The following NADK2 variants were observed in gnomAD, a reference collection of about 807,000 sequenced individuals.
The protein encoded by NADK2 is NAD kinase 2, mitochondrial, also known as NAD kinase domain-containing protein 1, mitochondrial.
Under a neutral mutation model 62.1 loss-of-function variants are expected in NADK2, and 35 were observed. The ratio of observed to expected loss-of-function variants is 0.56; its 90% CI spans 0.43 to 0.75. The LOEUF is 0.75. Among genes scored for constraint, NADK2 ranks in the 30% least tolerant of loss-of-function variants. The pLI, the probability that NADK2 is intolerant of heterozygous loss-of-function variation, is 0.00. For missense variants in NADK2, 439 were observed against 561.3 expected, an observed-to-expected ratio of 0.78 and a Z score of 2.20; for synonymous variants, 205 against 207.9, an observed-to-expected ratio of 0.99 and a Z score of 0.12.
At chr5:36,200,808 G>A (rs903023063) in intron 9 of NADK2, among the ~76,000 whole-genome samples, 3 of 151,730 alleles carry the variant, frequency 2.0e-5, no homozygotes, top group African/African-American at 7.3e-5. Flanking sequence ...ACTTAATAAC[G>A]GCCCCAAGGC....
At position 36,195,213 on chromosome 5, in the gene NADK2, A is replaced by G. The variant is rs377303895; in HGVS notation, c.1260T>C (p.Asn420=). 1.4e-5 allele frequency: 23 copies of G among 1,613,576 alleles called. No homozygotes were observed. The highest frequency in any genetic ancestry group is 1.9e-5 in the Non-Finnish European group (22 of 1,179,806). Reference sequence around the variant, plus strand: ...TCATCATCGAAGCAATTGCACCATCATTAAACTCAAAAGAAGTTCCTCCAT... The same window carrying G: ...TCATCATCGAAGCAATTGCACCATCGTTAAACTCAAAAGAAGTTCCTCCAT... ...VVDGGTSFEF[N]DGAIASMMIN... Residue 420 remains asparagine, a synonymous_variant, in exon 12 of 12, where the codon AAT becomes AAC. Transcript: ENST00000381937.
rs1473967546 is a variant in NADK2 at position 36,241,856 on chromosome 5, C to A, written c.-58G>T. On this transcript the variant is annotated 5_prime_UTR_variant, in exon 1 of 12. Transcript: ENST00000381937. This position sits in a 1 kb window ranked among gnomAD's most constrained non-coding sequence, Gnocchi z 4.9. ...CGGGCCCCTTGCCTCAGCTCCCTAC[C>A]GCCGGGAGTGCGCGCCGTCCGCGCC... The A allele has an allele frequency of 5.9e-6, 7 of 1,178,762 alleles. No individual in the cohort carries two copies. The highest frequency in any genetic ancestry group is 7.4e-6 in the Non-Finnish European group (7 of 951,156). The allele number at this position is 1,178,762 out of a possible 1,614,324, so 73.0% of individuals were successfully genotyped here.
chr5:36,228,925 T>A (rs908752408), intron 1 of NADK2, among the ~76,000 whole-genome samples: 5 of 152,130 alleles, frequency 3.3e-5, no homozygotes, highest in African/African-American at 9.7e-5. Flanking sequence ...ACACCCAGCC[T>A]AATATACAAT....
At position 36,217,866 on chromosome 5, in the gene NADK2, T is replaced by A; in HGVS notation, c.663A>T (p.Arg221Ser). Residue 221 changes from arginine (R) to serine (S), a missense_variant, in exon 6 of 12, where the codon AGA (arginine) becomes AGT (serine). Coordinates refer to ENST00000381937, the MANE Select transcript of NADK2 (RefSeq NM_001085411.3). ...CAGTCCCTTCAAGGTATAACCTGATTCTCTGCCTCCACAACCACCTTAGAA... is the reference window on the plus strand; with the variant it reads ...CAGTCCCTTCAAGGTATAACCTGATACTCTGCCTCCACAACCACCTTAGAA... ...RGEFRWLWRQ[R>S]IRLYLEGTGI... 1 of 1,613,130 alleles carries A rather than the reference T, an allele frequency of 6.2e-7. No homozygotes were observed. Among genetic ancestry groups the A allele is most frequent in the Non-Finnish European group, 8.5e-7 (1 of 1,179,362 alleles).
chr5:36,235,385 A>G (rs1747864066), intron 1 of NADK2, among the ~76,000 whole-genome samples: 1 of 152,208 alleles, frequency 6.6e-6, no homozygotes, highest in Non-Finnish European at 1.5e-5. Flanking sequence ...AACTGGAATT[A>G]GATTATGCAG....
intron 5 of NADK2, 60 bp downstream of exon 5, chr5:36,219,536 T>C: frequency 7.0e-7 from 1 of 1,435,802 alleles, no homozygotes; most frequent in Middle Eastern, 1.8e-4. Context: ...TTTAACAGCA[T>C]TATTAATGGC....
At chr5:36,238,926 G>T (rs1410797167) in intron 1 of NADK2, among the ~76,000 whole-genome samples, 1 of 152,112 alleles carries the variant, frequency 6.6e-6, no homozygotes, top group Non-Finnish European at 1.5e-5. Context: ...TCCTGTAATT[G>T]TTTACATTTC....
chr5:36,213,618 C>CATATAT lies in NADK2; in HGVS notation c.782-1702_782-1697dup, dbSNP rs58371779. 0.017 allele frequency among the ~76,000 whole-genome samples: 1,797 copies of CATATAT among 107,556 alleles called. 202 individuals are homozygous for CATATAT. In the East Asian group the frequency reaches 0.26, roughly 15 times the overall value. 70.6% of individuals were successfully genotyped at this position (107,556 alleles called of 152,430 possible). A position where few individuals can be genotyped will look rare whatever the true frequency, so the allele number is the denominator to read the frequency against. On this transcript the variant is annotated intron_variant, in intron 6 of 11. Transcript: ENST00000381937. The stretch of plus-strand genomic sequence containing the variant: ...TGATACAAAAAGCTATATATGCATG[C>CATATAT]ATATATATATATATGGATTTGATAT...
chr5:36,209,281 G>A (rs989401523), intron 7 of NADK2, among the ~76,000 whole-genome samples: 2 of 152,016 alleles, frequency 1.3e-5, no homozygotes. Flanking sequence ...AAAAGCATTC[G>A]ATTGAAAATC....
chr5:36,197,816 A>C, intron 10 of NADK2, 152 bp from the exon 11 acceptor site: 1 of 568,784 alleles, frequency 1.8e-6, no homozygotes, highest in South Asian at 3.1e-5. Flanking sequence ...TATTCCATTA[A>C]AACACAGTAA....
At position 36,219,694 on chromosome 5, in the gene NADK2, G is replaced by A. The variant is rs1465990112; in HGVS notation, c.561-15C>T. On this transcript the variant is annotated splice_polypyrimidine_tract_variant and intron_variant, in intron 4 of 11. Coordinates refer to ENST00000381937, the MANE Select transcript of NADK2 (RefSeq NM_001085411.3). ...GACCCTCAGACCTATATTTTAACAG[G>A]AATTTTTTGGTGATATAAAGAGGAA... The A allele has an allele frequency of 1.6e-5, 26 of 1,604,556 alleles. No homozygotes were observed. The highest frequency in any genetic ancestry group is 3.4e-5 in the Admixed American group (2 of 59,376).
chr5:36,224,556 CAAA>C lies in NADK2; in HGVS notation c.560+983_560+985del, dbSNP rs756009943. 2.9e-4 allele frequency among the ~76,000 whole-genome samples: 21 copies of C among 72,716 alleles called. 1 individual carries two copies. The highest frequency in any genetic ancestry group is 1.6e-3 in the Admixed American group (11 of 6,724). 47.7% of individuals were successfully genotyped at this position (72,716 alleles called of 152,430 possible). A position where few individuals can be genotyped will look rare whatever the true frequency, so the allele number is the denominator to read the frequency against. On this transcript the variant is annotated intron_variant, in intron 4 of 11. Transcript: ENST00000381937. ...TGGGCAACAGAGCAAGACTCTGTCT[CAAA>C]AAAAAAAAAAAAGAAAGAAAGAAAG... is the stretch of plus-strand genomic sequence containing the variant.
rs923249061 is a variant in NADK2, at chr5:36,215,534, C to T, written c.781+2214G>A. 9.2e-5 allele frequency among the ~76,000 whole-genome samples: 14 copies of T among 152,194 alleles called. 2 individuals carry two copies. Among genetic ancestry groups the T allele is most frequent in the Admixed American group, 5.2e-4 (8 of 15,284 alleles). On this transcript the variant is annotated intron_variant, in intron 6 of 11. Transcript: ENST00000381937. ...ATAATCACCCTACTATGCTATTGAA[C>T]GTTAGAACTTATTCCTTCCATCTAA... is the stretch of plus-strand genomic sequence containing the variant.
intron 8 of NADK2, among the ~76,000 whole-genome samples, chr5:36,203,022 T>A (rs1746503012): frequency 6.6e-6 from 1 of 151,822 alleles, no homozygotes; most frequent in African/African-American, 2.4e-5. Context: ...CCCCTCTCTA[T>A]CAAGAATTAA....
chr5:36,227,698 A>G (rs1747535270), intron 1 of NADK2, 133 bp from the exon 2 acceptor site: 2 of 421,890 alleles, frequency 4.7e-6, no homozygotes, highest in Non-Finnish European at 7.9e-6. Flanking sequence ...TGTGAAACCT[A>G]CAAGTACAAA....
intron 1 of NADK2, among the ~76,000 whole-genome samples, chr5:36,228,968 G>GAACT (rs1343154814): frequency 6.6e-6 from 1 of 151,828 alleles, no homozygotes; most frequent in Non-Finnish European, 1.5e-5. Context: ...ATTACTTACT[G>GAACT]AACTATAAAG....
At chr5:36,232,952 T>C (rs1000954536) in intron 1 of NADK2, among the ~76,000 whole-genome samples, 4 of 152,194 alleles carry the variant, frequency 2.6e-5, no homozygotes, top group African/African-American at 9.7e-5. Flanking sequence ...CTTGATTATA[T>C]ACTCCCCCTC....
intron 6 of NADK2, among the ~76,000 whole-genome samples, chr5:36,213,618 C>CATATATATAGATATATATATATATAT (rs1554008785): frequency 5.1e-4 from 55 of 107,550 alleles, no homozygotes; most frequent in African/African-American, 1.5e-3. Context: ...TATATGCATG[C>CATATATATAGATATATATATATATAT]ATATATATAT....
chr5:36,242,137 C>A (rs192191489), upstream of NADK2: 178 of 155,094 alleles, frequency 1.1e-3, no homozygotes, highest in African/African-American at 4.1e-3. Context: ...GCGACCTCCC[C>A]GCACCACACG....
Sources: gnomAD v4.1 joint callset for allele counts (sites outside exome capture counted in the v4.1 genomes callset) on GRCh38, gnomAD v4.1.1 for gene constraint, Gnocchi (gnomAD v3.1) non-coding constraint, MANE v1.5 for transcripts, NCBI Gene and HGNC (gene_info 2026-07-23, HGNC 2026-07-21) for gene names.